Variants in LRBA observed in about 807,000 individuals in gnomAD.
LRBA encodes the protein lipopolysaccharide-responsive and beige-like anchor protein.
A neutral mutation model predicts 330.0 loss-of-function variants in LRBA; 176 were observed. The ratio of observed to expected loss-of-function variants is 0.53; its 90% CI spans 0.47 to 0.60. The LOEUF is 0.60. Ranked by LOEUF, LRBA falls within the 20% of genes least tolerant of loss-of-function variation. LRBA has a pLI of 0.00. For missense variants in LRBA, 3,259 were observed against 3,444.8 expected (o/e 0.95, Z 1.35); for synonymous variants, 1,230 against 1,193.0 (o/e 1.03, Z -0.64).
At position 150,302,066 on chromosome 4, in the gene LRBA, T is replaced by G. The variant is rs181788584; in HGVS notation, c.8017+559A>C. Among the ~76,000 whole-genome samples the G allele has an allele frequency of 4.6e-5, 7 of 152,308 alleles. No homozygotes were observed. The East Asian group carries it at 1.3e-3, about 29-fold the overall frequency. On this transcript the variant is annotated intron_variant, in intron 53 of 56. Coordinates refer to ENST00000651943, the MANE Select transcript of LRBA (RefSeq NM_001364905.1). ...AATTACAATTTTAAATGGTTACACA[T>G]TTTTTGTTTTACTGCCTTCAGCATA...
At chr4:150,671,136 C>G (rs1024378379) in intron 37 of LRBA, among the ~76,000 whole-genome samples, 1 of 151,908 alleles carries the variant, frequency 6.6e-6, no homozygotes, top group Non-Finnish European at 1.5e-5. Flanking sequence ...ACTCCCCTTT[C>G]ATTGCTTGTA....
chr4:150,656,242 G>C (rs993876315), intron 37 of LRBA, among the ~76,000 whole-genome samples: 6 of 152,134 alleles, frequency 3.9e-5, no homozygotes, highest in African/African-American at 1.4e-4. Flanking sequence ...CCAAGTGAAA[G>C]GTCTAATTTT....
intron 46 of LRBA, among the ~76,000 whole-genome samples, chr4:150,421,193 C>T (rs1301643416): frequency 7.8e-6 from 1 of 128,094 alleles, no homozygotes; most frequent in East Asian, 2.3e-4. Context: ...ATATATAAAA[C>T]ATATATAATA....
chr4:150,348,694 T>C (rs1281477165), intron 48 of LRBA, among the ~76,000 whole-genome samples: 1 of 152,236 alleles, frequency 6.6e-6, no homozygotes. Flanking sequence ...CAAAAATAGC[T>C]GGTATATTTG....
chr4:150,651,440 T>C (rs1779700542), intron 37 of LRBA, among the ~76,000 whole-genome samples: 1 of 152,198 alleles, frequency 6.6e-6, no homozygotes, highest in Non-Finnish European at 1.5e-5. Flanking sequence ...GATGAAAATA[T>C]ATATTTGGTG....
chr4:150,479,715 G>T (rs1003900316), intron 42 of LRBA, among the ~76,000 whole-genome samples: 6 of 152,156 alleles, frequency 3.9e-5, no homozygotes, highest in African/African-American at 9.7e-5. Context: ...ACTATCAAGA[G>T]AAAGTAATTT....
rs1392312230 is a variant in LRBA at position 150,914,241 on chromosome 4, T to G, written c.1115A>C (p.Asn372Thr). Residue 372 changes from asparagine to threonine, a missense_variant, in exon 9 of 57, where the codon AAT (asparagine) becomes ACT (threonine). Coordinates refer to ENST00000651943, the MANE Select transcript of LRBA (RefSeq NM_001364905.1). ...TAVYLFSEAL[N>T]AAQIFAIYQL... Reference sequence around the variant, plus strand: ...ATAAATAGCAAATATCTGAGCTGCATTTAGAGCTTCACTGAAAAGGTAAAC... The same window carrying G: ...ATAAATAGCAAATATCTGAGCTGCAGTTAGAGCTTCACTGAAAAGGTAAAC... 1 of 1,611,324 alleles carries G rather than the reference T, an allele frequency of 6.2e-7. No homozygotes were observed. The highest frequency in any genetic ancestry group is 8.5e-7 in the Non-Finnish European group (1 of 1,178,402).
At chr4:150,643,209 G>C (rs1389937156) in intron 37 of LRBA, among the ~76,000 whole-genome samples, 1 of 151,856 alleles carries the variant, frequency 6.6e-6, no homozygotes, top group Non-Finnish European at 1.5e-5. Flanking sequence ...GGAAAATGCA[G>C]ACCATTAGAG....
At chr4:150,624,271 C>T (rs1776608494) in intron 37 of LRBA, among the ~76,000 whole-genome samples, 1 of 149,416 alleles carries the variant, frequency 6.7e-6, no homozygotes, top group Non-Finnish European at 1.5e-5. Flanking sequence ...CATTCACTGC[C>T]TTTCCTCTGT....
rs1561396672 is a variant in LRBA at position 150,590,739 on chromosome 4, T to A, written c.6167A>T (p.Asp2056Val). The change falls in exon 39 of 57, where the codon GAT (aspartate) becomes GTT (valine). Residue 2056 changes from aspartate to valine, a missense_variant. Physicochemically the swap from Asp to Val is radical, Grantham distance 152. Transcript: ENST00000651943. ...GGCAAGATTCTCTAAATCTTTCTCA[T>A]CCACGGATGACAGAGTATCATCATC... ...EGDDDTLSSV[D>V]EKDLENLAGP... The A allele has an allele frequency of 6.2e-7, 1 of 1,613,888 alleles. No individual in the cohort carries two copies. The highest frequency in any genetic ancestry group is 1.7e-5 in the Admixed American group (1 of 59,984).
At chr4:150,957,098 A>C (rs762666409) in intron 2 of LRBA, among the ~76,000 whole-genome samples, 29 of 149,234 alleles carry the variant, frequency 1.9e-4, no homozygotes, top group Middle Eastern at 3.4e-3. Flanking sequence ...GAACATGCTT[A>C]CTGCCCAGAT....
chr4:150,489,926 T>C lies in LRBA; in HGVS notation c.6448+992A>G, dbSNP rs1201926011. On this transcript the variant is annotated intron_variant, in intron 41 of 56. Coordinates refer to ENST00000651943, the MANE Select transcript of LRBA (RefSeq NM_001364905.1). ...GGCAAAGGCAACAGAAAAACACACA[T>C]ATAAAAACAAGCATGCATAAGAAAT... Among the ~76,000 whole-genome samples the C allele has an allele frequency of 2.0e-5, 3 of 150,344 alleles. No individual in the cohort carries two copies. The South Asian group carries it at 6.2e-4, about 31-fold the overall frequency.
intron 45 of LRBA, 78 bp from the exon 46 acceptor site, chr4:150,435,786 ATACTT>A: frequency 8.6e-7 from 1 of 1,165,138 alleles, no homozygotes; most frequent in South Asian, 1.5e-5. Flanking sequence ...TTAGAACTAA[ATACTT>A]TAATGACTAA....
intron 28 of LRBA, among the ~76,000 whole-genome samples, chr4:150,835,696 T>C (rs1467148552): frequency 2.0e-5 from 3 of 152,284 alleles, no homozygotes; most frequent in Middle Eastern, 6.8e-3. Context: ...TTAAGGAGAT[T>C]TTGGGCTGAG....
intron 48 of LRBA, among the ~76,000 whole-genome samples, chr4:150,328,396 CT>C (rs567807374): frequency 5.4e-5 from 8 of 148,948 alleles, no homozygotes; most frequent in Middle Eastern, 3.4e-3. Flanking sequence ...ATTTAAGTTA[CT>C]TTTTTTTTTA....
chr4:150,341,802 A>G lies in LRBA; in HGVS notation c.7362+8190T>C, dbSNP rs114077281. 8.5e-3 allele frequency among the ~76,000 whole-genome samples: 1,296 copies of G among 151,612 alleles called. 8 individuals are homozygous for G. Among genetic ancestry groups the G allele is most frequent in the Non-Finnish European group, 0.014 (947 of 67,876 alleles). ...ATTTCTTACCTACTAAACTTCATCA[A>G]TGAACTATTTCATACTAAGATACTA... On this transcript the variant is annotated intron_variant, in intron 48 of 56. Transcript: ENST00000651943.
chr4:150,335,772 C>T (rs909874156), intron 48 of LRBA, among the ~76,000 whole-genome samples: 2 of 152,164 alleles, frequency 1.3e-5, no homozygotes, highest in Admixed American at 6.5e-5. Flanking sequence ...TCTCAGCTCA[C>T]TGCAACCTCT....
At chr4:150,346,739 CAAT>C (rs1561045832) in intron 48 of LRBA, among the ~76,000 whole-genome samples, 1 of 98,832 alleles carries the variant, frequency 1.0e-5, no homozygotes, top group African/African-American at 4.3e-5. Flanking sequence ...AGCCTGGCAA[CAAT>C]GTGAGACTCT....
In LRBA at chr4:150,600,522, G is replaced by C. The variant is rs189870426; in HGVS notation, c.5922-1391C>G. ...AAGAAAATCTTTTTAAAACAGTAGA[G>C]ACTGATCTCTGAAAATGCTGAAGGG... is the stretch of plus-strand genomic sequence containing the variant. On this transcript the variant is annotated intron_variant, in intron 37 of 56. Transcript: ENST00000651943. Among the ~76,000 whole-genome samples the C allele has an allele frequency of 2.6e-5, 4 of 152,154 alleles. No homozygotes were observed. The East Asian group carries it at 7.7e-4, about 29-fold the overall frequency.
Sources: gnomAD v4.1 joint callset for allele counts (sites outside exome capture counted in the v4.1 genomes callset) on GRCh38, gnomAD v4.1.1 for gene constraint, MANE v1.5 for transcripts, NCBI Gene and HGNC (gene_info 2026-07-23, HGNC 2026-07-21) for gene names.